KIAA1958: variants seen among roughly 807,000 people sequenced by gnomAD.
The protein encoded by KIAA1958 is KIAA1958, also known as uncharacterized protein KIAA1958.
In KIAA1958, 14 loss-of-function variants were observed where a neutral mutation model predicts 47.2. The observed-to-expected ratio is 0.30, with a 90% CI of 0.20 to 0.46. The LOEUF is 0.46. Ranked by LOEUF, KIAA1958 falls within the 20% of genes least tolerant of loss-of-function variation. The pLI is 1.00. For synonymous variants in KIAA1958, 354 were observed against 353.3 expected, an observed-to-expected ratio of 1.00 and a Z score of -0.02; for missense variants, 803 against 909.2, an observed-to-expected ratio of 0.88 and a Z score of 1.50.
At chr9:112,567,372 CA>C (rs1835443296) in intron 1 of KIAA1958, among the ~76,000 whole-genome samples, 1 of 152,118 alleles carries the variant, frequency 6.6e-6, no homozygotes, top group East Asian at 1.9e-4. Flanking sequence ...ACCAGGGAAC[CA>C]AGCTCCTTCC....
intron 2 of KIAA1958, among the ~76,000 whole-genome samples, chr9:112,610,444 A>G (rs1166274682): frequency 1.3e-5 from 2 of 152,054 alleles, no homozygotes; most frequent in African/African-American, 4.8e-5. Flanking sequence ...GTAGATAACC[A>G]AAAGGGGTAT....
At chr9:112,606,978 T>C (rs1564188816) in intron 2 of KIAA1958, among the ~76,000 whole-genome samples, 1 of 152,152 alleles carries the variant, frequency 6.6e-6, no homozygotes, top group Non-Finnish European at 1.5e-5. Context: ...TAAATAAAAC[T>C]GAAAGTCTTC....
At chr9:112,566,105 A>G (rs1465764330) in intron 1 of KIAA1958, among the ~76,000 whole-genome samples, 4 of 151,806 alleles carry the variant, frequency 2.6e-5, no homozygotes, top group South Asian at 2.1e-4. Flanking sequence ...GGGTTTCACC[A>G]TGTTAGCCAG....
chr9:112,545,222 T>G (rs1835007426), intron 1 of KIAA1958, among the ~76,000 whole-genome samples: 1 of 152,214 alleles, frequency 6.6e-6, no homozygotes, highest in Admixed American at 6.5e-5. Flanking sequence ...AATGTGTACG[T>G]GGTCACAGAA....
chr9:112,530,942 G>A (rs1310521596), intron 1 of KIAA1958, among the ~76,000 whole-genome samples: 4 of 152,168 alleles, frequency 2.6e-5, no homozygotes. Context: ...AGACTGTTAT[G>A]AAACTGTCAG....
chr9:112,515,894 T>TAAAAAAAAAAAAAAAAAAAAAAAAA (rs58492221), intron 1 of KIAA1958, among the ~76,000 whole-genome samples: 1 of 97,126 alleles, frequency 1.0e-5, no homozygotes, highest in African/African-American at 4.0e-5. Context: ...AAAAATAAAT[T>TAAAAAAAAAAAAAAAAAAAAAAAAA]AAAAAAAAAA....
At chr9:112,489,633 T>A (rs1211982290) in intron 1 of KIAA1958, among the ~76,000 whole-genome samples, 4 of 152,196 alleles carry the variant, frequency 2.6e-5, no homozygotes, top group African/African-American at 9.6e-5. Flanking sequence ...TATAAATTAT[T>A]TTTCATTTTT....
chr9:112,497,287 A>G (rs1041229327), intron 1 of KIAA1958, among the ~76,000 whole-genome samples: 1 of 152,172 alleles, frequency 6.6e-6, no homozygotes, highest in Non-Finnish European at 1.5e-5. Flanking sequence ...TAAAAAGGTG[A>G]TTAAGTTAGG....
intron 1 of KIAA1958, among the ~76,000 whole-genome samples, chr9:112,489,539 T>C (rs1227127274): frequency 4.6e-5 from 7 of 151,942 alleles, no homozygotes; most frequent in Admixed American, 4.6e-4. Context: ...AGCAATAATA[T>C]TTTAGTGTGA....
chr9:112,654,858 C>T (rs1285777650), intron 3 of KIAA1958, among the ~76,000 whole-genome samples: 1 of 152,144 alleles, frequency 6.6e-6, no homozygotes, highest in East Asian at 1.9e-4. Flanking sequence ...TTGGGGTTTC[C>T]TAGACCAACA....
At chr9:112,603,095 A>G (rs1490604620) in intron 2 of KIAA1958, among the ~76,000 whole-genome samples, 1 of 152,220 alleles carries the variant, frequency 6.6e-6, no homozygotes, top group Non-Finnish European at 1.5e-5. Context: ...GGGGAGAGAT[A>G]GACACAAAAC....
intron 1 of KIAA1958, among the ~76,000 whole-genome samples, chr9:112,496,561 T>C (rs1481086949): frequency 1.3e-5 from 2 of 152,186 alleles, no homozygotes; most frequent in African/African-American, 2.4e-5. Flanking sequence ...TTTTTCCGAG[T>C]GTATGTTTCA....
At chr9:112,595,125 C>A (rs1443907713) in intron 2 of KIAA1958, among the ~76,000 whole-genome samples, 10 of 152,250 alleles carry the variant, frequency 6.6e-5, no homozygotes, top group Non-Finnish European at 2.9e-5. Flanking sequence ...TTTCTGACCT[C>A]CTTCATATCT....
intron 1 of KIAA1958, among the ~76,000 whole-genome samples, chr9:112,554,071 A>G (rs1835200306): frequency 1.3e-5 from 2 of 152,354 alleles, no homozygotes; most frequent in South Asian, 4.1e-4. Flanking sequence ...AGCCTAGCTT[A>G]AAGGCAGTTT....
Position 112,506,592 on chromosome 9 carries a change from C to G in KIAA1958, c.-25+19474C>G, listed in dbSNP as rs537050501. Among the ~76,000 whole-genome samples the G allele has an allele frequency of 2.0e-5, 3 of 152,264 alleles. No individual in the cohort carries two copies. The East Asian group carries it at 5.8e-4, about 29-fold the overall frequency. On this transcript the variant is annotated intron_variant, in intron 1 of 3. Transcript: ENST00000337530. The stretch of plus-strand genomic sequence containing the variant: ...TGACTACCTGGGTACTTGGGGGTTG[C>G]ACAAGGTTCCGTTACTTTTTTTACT...
intron 1 of KIAA1958, among the ~76,000 whole-genome samples, chr9:112,512,481 C>T (rs1834339444): frequency 6.6e-6 from 1 of 151,760 alleles, no homozygotes; most frequent in Non-Finnish European, 1.5e-5. Flanking sequence ...TCTTAGCAAA[C>T]TGTGGAATAA....
chr9:112,584,781 G>A (rs560912260), intron 2 of KIAA1958, among the ~76,000 whole-genome samples: 32 of 152,348 alleles, frequency 2.1e-4, no homozygotes, highest in African/African-American at 7.2e-4. Context: ...CACAAAGAAG[G>A]TAGATGGTTT....
intron 1 of KIAA1958, among the ~76,000 whole-genome samples, chr9:112,570,202 G>A (rs1220832012): frequency 6.6e-6 from 1 of 152,164 alleles, no homozygotes; most frequent in Non-Finnish European, 1.5e-5. Flanking sequence ...TTTTAACATT[G>A]AAGAACCTCA....
intron 1 of KIAA1958, among the ~76,000 whole-genome samples, chr9:112,545,221 G>A (rs1008027760): frequency 6.6e-6 from 1 of 152,094 alleles, no homozygotes; most frequent in Non-Finnish European, 1.5e-5. Context: ...AAATGTGTAC[G>A]TGGTCACAGA....
Sources: allele counts gnomAD v4.1 joint callset (sites outside exome capture counted in the v4.1 genomes callset), GRCh38; gene constraint gnomAD v4.1.1; transcripts MANE v1.5; gene names NCBI Gene and HGNC (gene_info 2026-07-23, HGNC 2026-07-21).